EYA1: variants seen among roughly 807,000 people sequenced by gnomAD.
EYA1 encodes the protein protein phosphatase EYA1.
Under a neutral mutation model 82.0 loss-of-function variants are expected in EYA1, and 16 were observed. The ratio of observed to expected loss-of-function variants is 0.20; its 90% CI spans 0.13 to 0.30. The LOEUF (loss-of-function observed/expected upper bound fraction) is 0.30, where lower values mean the gene tolerates loss of function less well. EYA1 is among the 10% of genes least tolerant of loss of function. EYA1 has a pLI of 1.00. For synonymous variants in EYA1, 261 were observed against 264.4 expected (o/e 0.99, Z 0.12); for missense variants, 633 against 730.7 (o/e 0.87, Z 1.54).
At chr8:71,475,430 C>T (rs4469491) in intron 2 of EYA1, among the ~76,000 whole-genome samples, 98,195 of 152,082 alleles carry the variant, frequency 0.65, 34,081 homozygotes, top group African/African-American at 0.9. Flanking sequence ...ATGATAAAAA[C>T]AATAAAGGAA....
chr8:71,294,089 G>C (rs772995424), intron 9 of EYA1, among the ~76,000 whole-genome samples: 89 of 151,754 alleles, frequency 5.9e-4, no homozygotes, highest in Non-Finnish European at 1.1e-3. Flanking sequence ...CAATGAAGAA[G>C]GTTGCAGGAT....
At chr8:71,436,720 CT>C (rs1806041605) in intron 2 of EYA1, among the ~76,000 whole-genome samples, 1 of 152,116 alleles carries the variant, frequency 6.6e-6, no homozygotes, top group Admixed American at 6.6e-5. Flanking sequence ...GCTAATGACA[CT>C]TAAAACAAAG....
intron 9 of EYA1, among the ~76,000 whole-genome samples, chr8:71,279,375 G>A (rs1177170967): frequency 1.3e-5 from 2 of 152,106 alleles, no homozygotes; most frequent in African/African-American, 4.8e-5. Context: ...ATAAGTATAT[G>A]CAAAAGTCAT....
chr8:71,302,839 T>G (rs1176646710), intron 7 of EYA1, among the ~76,000 whole-genome samples: 1 of 141,940 alleles, frequency 7.0e-6, no homozygotes, highest in African/African-American at 2.5e-5. Flanking sequence ...CAGTAGACTC[T>G]CTAATGTGCA....
intron 9 of EYA1, among the ~76,000 whole-genome samples, chr8:71,286,194 G>A (rs1016480284): frequency 7.2e-5 from 11 of 152,124 alleles, no homozygotes; most frequent in African/African-American, 2.4e-4. Flanking sequence ...CATGTAACCC[G>A]GAACTTAAAA....
chr8:71,517,770 GAT>G (rs1260336663), intron 2 of EYA1, among the ~76,000 whole-genome samples: 2 of 148,548 alleles, frequency 1.3e-5, no homozygotes, highest in Admixed American at 6.8e-5. Flanking sequence ...ATAATTTGGA[GAT>G]ATATATATCA....
chr8:71,531,095 G>C (rs924623903), intron 2 of EYA1: 2 of 152,196 alleles, frequency 1.3e-5, no homozygotes, highest in Non-Finnish European at 2.9e-5. Context: ...ATGCAGGTGT[G>C]ATGGTCACAT....
intron 9 of EYA1, among the ~76,000 whole-genome samples, chr8:71,282,020 C>T (rs1432337813): frequency 6.6e-6 from 1 of 152,198 alleles, no homozygotes. Context: ...CAGCTTTCTA[C>T]TCTCTCATTG....
chr8:71,369,202 C>CAAAA (rs368382614), intron 2 of EYA1, among the ~76,000 whole-genome samples: 2 of 57,650 alleles, frequency 3.5e-5, no homozygotes, highest in African/African-American at 1.2e-4. Flanking sequence ...GACTCCGTCT[C>CAAAA]AAAAAAAAAA....
At chr8:71,489,667 A>G (rs1281823936) in intron 2 of EYA1, among the ~76,000 whole-genome samples, 1 of 152,258 alleles carries the variant, frequency 6.6e-6, no homozygotes, top group Non-Finnish European at 1.5e-5. Flanking sequence ...CAATGGTTTC[A>G]GAACATGTGG....
intron 2 of EYA1, among the ~76,000 whole-genome samples, chr8:71,437,947 T>A (rs1175537082): frequency 1.3e-5 from 2 of 152,158 alleles, no homozygotes; most frequent in African/African-American, 4.8e-5. Flanking sequence ...TACTTGGGGA[T>A]ATTTAAAATT....
intron 17 of EYA1, among the ~76,000 whole-genome samples, chr8:71,210,029 A>ATATC (rs1808308037): frequency 6.6e-6 from 1 of 152,170 alleles, no homozygotes; most frequent in African/African-American, 2.4e-5. Context: ...TATCTTTACT[A>ATATC]TATCTAATCC....
chr8:71,540,965 A>G (rs1179213796), intron 1 of EYA1, among the ~76,000 whole-genome samples: 1 of 152,220 alleles, frequency 6.6e-6, no homozygotes, highest in Non-Finnish European at 1.5e-5. Flanking sequence ...GAAAATTTAC[A>G]AACAGAAGCC....
intron 2 of EYA1, among the ~76,000 whole-genome samples, chr8:71,391,526 T>TA (rs1436589117): frequency 1.2e-4 from 19 of 152,228 alleles, no homozygotes; most frequent in African/African-American, 4.3e-4. Flanking sequence ...GATTATATCT[T>TA]AGATATTTTG....
intron 2 of EYA1, among the ~76,000 whole-genome samples, chr8:71,368,833 C>T (rs1827911126): frequency 6.6e-6 from 1 of 151,882 alleles, no homozygotes; most frequent in Admixed American, 6.6e-5. Context: ...AAAATTATGC[C>T]TATTATCAAC....
chr8:71,367,926 T>C (rs756067059), intron 2 of EYA1, among the ~76,000 whole-genome samples: 1 of 152,214 alleles, frequency 6.6e-6, no homozygotes, highest in Non-Finnish European at 1.5e-5. Flanking sequence ...CAAATGTAAG[T>C]ACAATTAAAC....
intron 11 of EYA1, among the ~76,000 whole-genome samples, chr8:71,258,666 C>T (rs1814733272): frequency 6.6e-6 from 1 of 152,170 alleles, no homozygotes; most frequent in Non-Finnish European, 1.5e-5. Flanking sequence ...ATTCTAGTGA[C>T]TAGGTTAAAC....
intron 2 of EYA1, among the ~76,000 whole-genome samples, chr8:71,452,207 C>A (rs914311512): frequency 6.6e-6 from 1 of 152,196 alleles, no homozygotes; most frequent in Non-Finnish European, 1.5e-5. Flanking sequence ...TGCAAGGCAG[C>A]GGCAAGGCTG....
intron 2 of EYA1, among the ~76,000 whole-genome samples, chr8:71,432,515 T>C (rs1805697796): frequency 6.6e-6 from 1 of 152,118 alleles, no homozygotes; most frequent in African/African-American, 2.4e-5. Context: ...GCATCTTTGG[T>C]TTCTTCTGGA....
Sources: gnomAD v4.1 joint callset for allele counts (sites outside exome capture counted in the v4.1 genomes callset) on GRCh38, gnomAD v4.1.1 for gene constraint, MANE v1.5 for transcripts, NCBI Gene and HGNC (gene_info 2026-07-23, HGNC 2026-07-21) for gene names.